Variants in DOCK4 observed in about 807,000 individuals in gnomAD.
DOCK4 encodes the protein dedicator of cytokinesis protein 4.
A neutral mutation model predicts 268.1 loss-of-function variants in DOCK4; 97 were observed. That is an observed-to-expected ratio of 0.36 (90% confidence interval 0.31 to 0.43). The LOEUF is 0.43. Among genes scored for constraint, DOCK4 ranks in the 20% least tolerant of loss-of-function variants. DOCK4 has a pLI of 1.00. For missense variants in DOCK4, 2,145 were observed against 2,455.7 expected, an observed-to-expected ratio of 0.87 and a Z score of 2.67; for synonymous variants, 954 against 887.2, an observed-to-expected ratio of 1.08 and a Z score of -1.34.
chr7:111,797,954 G>T (rs189963630), intron 30 of DOCK4, among the ~76,000 whole-genome samples: 2 of 152,274 alleles, frequency 1.3e-5, no homozygotes, highest in Non-Finnish European at 2.9e-5. Flanking sequence ...ACCTTAGAAA[G>T]TCTCCTAATG....
rs575881309 is a variant in DOCK4 at position 112,089,100 on chromosome 7, T to C, written c.38-84969A>G. ...TACTGTGTTAAATATAATGTCAAAA[T>C]TAATTTTGCCTATTTTTCCCTTTTT... On this transcript the variant is annotated intron_variant, in intron 1 of 52. Transcript: ENST00000428084. 2.6e-5 allele frequency among the ~76,000 whole-genome samples: 4 copies of C among 152,278 alleles called. No homozygotes were observed. In the South Asian group the frequency reaches 8.3e-4, roughly 32 times the overall value.
intron 1 of DOCK4, among the ~76,000 whole-genome samples, chr7:112,110,016 T>A (rs1461874601): frequency 6.6e-6 from 1 of 152,006 alleles, no homozygotes; most frequent in Non-Finnish European, 1.5e-5. Flanking sequence ...AGTGCTGGGA[T>A]TACAGGCGTG....
At chr7:112,112,364 C>T (rs534331836) in intron 1 of DOCK4, among the ~76,000 whole-genome samples, 1 of 152,324 alleles carries the variant, frequency 6.6e-6, no homozygotes, top group South Asian at 2.1e-4. Flanking sequence ...CTGGAGCTGG[C>T]TGGGTGTGGT....
At chr7:111,903,431 T>A (rs993034697) in intron 13 of DOCK4, among the ~76,000 whole-genome samples, 7 of 152,214 alleles carry the variant, frequency 4.6e-5, no homozygotes, top group Non-Finnish European at 8.8e-5. Flanking sequence ...GGCAATGAAC[T>A]TAAAGTCCAG....
At position 111,915,922 on chromosome 7, in the gene DOCK4, T is replaced by C. The variant is rs918175917; in HGVS notation, c.1067-18A>G. The C allele has an allele frequency of 3.2e-5, 51 of 1,604,766 alleles. No individual in the cohort carries two copies. Among genetic ancestry groups the C allele is most frequent in the Admixed American group, 6.8e-5 (4 of 58,600 alleles). On this transcript the variant is annotated intron_variant, in intron 12 of 52. Transcript: ENST00000428084. ...TGCTAAACCTAAAACAGATGAGAGA[T>C]ACCCGAGTTAAAAACAGAATAGAAA... is the stretch of plus-strand genomic sequence containing the variant.
At chr7:111,945,470 G>A (rs1452670571) in intron 9 of DOCK4, among the ~76,000 whole-genome samples, 1 of 152,180 alleles carries the variant, frequency 6.6e-6, no homozygotes, top group African/African-American at 2.4e-5. Context: ...ATAGGCATGA[G>A]CCACCGTGCC....
intron 4 of DOCK4, among the ~76,000 whole-genome samples, chr7:111,994,863 G>A (rs187198693): frequency 1.1e-3 from 169 of 152,118 alleles, no homozygotes; most frequent in African/African-American, 3.6e-3. Flanking sequence ...TTGAATATTC[G>A]TTCCAAAATG....
chr7:111,856,517 C>T (rs1805028240), intron 23 of DOCK4, among the ~76,000 whole-genome samples: 1 of 152,184 alleles, frequency 6.6e-6, no homozygotes, highest in Non-Finnish European at 1.5e-5. Context: ...ATGGTTATAG[C>T]TGTTTAGCCT....
chr7:112,058,245 T>C (rs902114809), intron 1 of DOCK4, among the ~76,000 whole-genome samples: 6 of 152,152 alleles, frequency 3.9e-5, no homozygotes, highest in Non-Finnish European at 8.8e-5. Context: ...ACTTTTACAA[T>C]GTACATAACC....
At chr7:111,765,332 T>C in intron 38 of DOCK4, 110 bp from the exon 39 acceptor site, 1 of 716,264 alleles carries the variant, frequency 1.4e-6, no homozygotes, top group Non-Finnish European at 2.3e-6. Context: ...TTTAATTGAG[T>C]TTGCTGGAAA....
intron 23 of DOCK4, among the ~76,000 whole-genome samples, chr7:111,849,669 T>G (rs1392835515): frequency 6.6e-6 from 1 of 152,192 alleles, no homozygotes; most frequent in African/African-American, 2.4e-5. Context: ...ACAAAATCTC[T>G]GTATGCCTAG....
chr7:112,143,171 A>T (rs2116299039), intron 1 of DOCK4, among the ~76,000 whole-genome samples: 1 of 152,184 alleles, frequency 6.6e-6, no homozygotes, highest in East Asian at 1.9e-4. Flanking sequence ...AAGGAAAAGA[A>T]CATCTCCTCT....
chr7:112,125,368 C>T (rs532842659), intron 1 of DOCK4, among the ~76,000 whole-genome samples: 7 of 152,198 alleles, frequency 4.6e-5, no homozygotes, highest in African/African-American at 1.7e-4. Flanking sequence ...CTTTCTGAAA[C>T]GCAAGGTCAT....
intron 1 of DOCK4, among the ~76,000 whole-genome samples, chr7:112,176,789 C>T (rs936385815): frequency 2.6e-5 from 4 of 152,138 alleles, no homozygotes; most frequent in South Asian, 4.1e-4. Context: ...CTGTGTTCCG[C>T]GTTGAAATTG....
At chr7:111,990,532 T>C (rs1586586859) in intron 5 of DOCK4, among the ~76,000 whole-genome samples, 2 of 152,336 alleles carry the variant, frequency 1.3e-5, no homozygotes, top group African/African-American at 4.8e-5. Context: ...TGACGTGTTA[T>C]CTGCTTTTTC....
At chr7:111,908,038 T>C (rs1278577381) in intron 13 of DOCK4, among the ~76,000 whole-genome samples, 1 of 152,216 alleles carries the variant, frequency 6.6e-6, no homozygotes, top group Admixed American at 6.5e-5. Flanking sequence ...AGATTTAGGA[T>C]ATATTTTTAA....
In DOCK4 at chr7:112,173,691, A is replaced by C. The variant is rs1156790690; in HGVS notation, c.37+32411T>G. Among the ~76,000 whole-genome samples, 4 of 152,164 alleles carry C rather than the reference A, an allele frequency of 2.6e-5. No individual in the cohort carries two copies. The East Asian group carries it at 7.7e-4, about 29-fold the overall frequency. On this transcript the variant is annotated intron_variant, in intron 1 of 52. Transcript: ENST00000428084. ...TGAAGACCTGCAGGAGGCCGTAGTCACAGCTATGCCAGCTGAGGAAAAACT... is the reference window on the plus strand; with the variant it reads ...TGAAGACCTGCAGGAGGCCGTAGTCCCAGCTATGCCAGCTGAGGAAAAACT...
intron 8 of DOCK4, among the ~76,000 whole-genome samples, chr7:111,968,788 T>C (rs1427737849): frequency 1.2e-5 from 1 of 81,724 alleles, no homozygotes; most frequent in African/African-American, 7.7e-5. Context: ...CTATTCACAA[T>C]AGCAAAGACT....
At chr7:111,917,095 C>T (rs1792670838) in intron 12 of DOCK4, among the ~76,000 whole-genome samples, 1 of 145,094 alleles carries the variant, frequency 6.9e-6, no homozygotes, top group South Asian at 2.3e-4. Context: ...TCAAGCAATT[C>T]TCCTGCCTCA....
Sources: gnomAD v4.1 joint callset for allele counts (sites outside exome capture counted in the v4.1 genomes callset) on GRCh38, gnomAD v4.1.1 for gene constraint, MANE v1.5 for transcripts, NCBI Gene and HGNC (gene_info 2026-07-23, HGNC 2026-07-21) for gene names.